B3GALT1: variants seen among roughly 807,000 people sequenced by gnomAD.
B3GALT1 encodes UDP-Gal:betaGlcNAc beta 1,3-galactosyltransferase, polypeptide 1.
A neutral mutation model predicts 23.2 loss-of-function variants in B3GALT1; 10 were observed. The observed-to-expected ratio is 0.43, with a 90% CI of 0.27 to 0.73. The LOEUF (loss-of-function observed/expected upper bound fraction) is 0.73. Ranked by LOEUF, B3GALT1 falls within the 30% of genes least tolerant of loss-of-function variation. The pLI is 0.21. For missense variants in B3GALT1, 299 were observed against 405.4 expected, an observed-to-expected ratio of 0.74 and a Z score of 2.25; for synonymous variants, 156 against 141.5, an observed-to-expected ratio of 1.10 and a Z score of -0.73.
chr2:167,610,565 A>C (rs1212360600), intron 2 of B3GALT1, among the ~76,000 whole-genome samples: 1 of 152,104 alleles, frequency 6.6e-6, no homozygotes, highest in African/African-American at 2.4e-5. Context: ...TCACAAAAGC[A>C]GGCCGTGATT....
chr2:167,866,242 C>T (rs900605673), intron 4 of B3GALT1, among the ~76,000 whole-genome samples: 1 of 152,186 alleles, frequency 6.6e-6, no homozygotes, highest in Non-Finnish European at 1.5e-5. Context: ...GTGTGAATGG[C>T]ACCCTCTGGA....
chr2:167,376,362 A>G (rs1301851591), intron 1 of B3GALT1, among the ~76,000 whole-genome samples: 1 of 152,030 alleles, frequency 6.6e-6, no homozygotes, highest in Non-Finnish European at 1.5e-5. Context: ...GGCTTTGTAG[A>G]ATAAGTTAGG....
chr2:167,484,468 A>G (rs1010378451), intron 1 of B3GALT1, among the ~76,000 whole-genome samples: 7 of 152,222 alleles, frequency 4.6e-5, no homozygotes, highest in Non-Finnish European at 7.3e-5. Context: ...GCAGGCGTCA[A>G]TCAATACTAT....
At chr2:167,781,666 C>T (rs993191178) in intron 3 of B3GALT1, among the ~76,000 whole-genome samples, 1 of 152,160 alleles carries the variant, frequency 6.6e-6, no homozygotes, top group Non-Finnish European at 1.5e-5. Flanking sequence ...GGGAATGGAC[C>T]ATGGTCAGTG....
intron 1 of B3GALT1, among the ~76,000 whole-genome samples, chr2:167,336,975 C>T (rs904404421): frequency 6.6e-6 from 1 of 152,140 alleles, no homozygotes; most frequent in Non-Finnish European, 1.5e-5. Flanking sequence ...AACAACAGAA[C>T]TTCTGCAGTT....
chr2:167,438,074 A>G (rs1574078290), intron 1 of B3GALT1, among the ~76,000 whole-genome samples: 1 of 152,220 alleles, frequency 6.6e-6, no homozygotes, highest in Non-Finnish European at 1.5e-5. Context: ...TACACATCCT[A>G]CAAAGGATGT....
At chr2:167,512,149 A>G (rs1700013520) in intron 2 of B3GALT1, among the ~76,000 whole-genome samples, 1 of 152,128 alleles carries the variant, frequency 6.6e-6, no homozygotes, top group African/African-American at 2.4e-5. Context: ...TTTGAAGTAA[A>G]TGTAATATTG....
At chr2:167,325,114 G>T (rs2105495763) in intron 1 of B3GALT1, among the ~76,000 whole-genome samples, 1 of 152,156 alleles carries the variant, frequency 6.6e-6, no homozygotes, top group South Asian at 2.1e-4. Context: ...CCATTGATAG[G>T]CATTAAGGTT....
chr2:167,729,043 C>T (rs11687831), intron 3 of B3GALT1, among the ~76,000 whole-genome samples: 74,839 of 152,070 alleles, frequency 0.49, 21,390 homozygotes, highest in Non-Finnish European at 0.67. Flanking sequence ...TCACCTTACA[C>T]ATATACTTGT....
intron 2 of B3GALT1, among the ~76,000 whole-genome samples, chr2:167,575,927 T>C (rs1465656239): frequency 6.6e-6 from 1 of 151,836 alleles, no homozygotes; most frequent in African/African-American, 2.4e-5. Context: ...CATTTAGGCA[T>C]ATCTCTTTGT....
At chr2:167,340,257 G>C (rs1255976795) in intron 1 of B3GALT1, among the ~76,000 whole-genome samples, 1 of 147,350 alleles carries the variant, frequency 6.8e-6, no homozygotes, top group Non-Finnish European at 1.5e-5. Flanking sequence ...AACGTATTTA[G>C]AGGGTGATAA....
intron 2 of B3GALT1, among the ~76,000 whole-genome samples, chr2:167,546,899 C>A (rs1683646976): frequency 1.3e-5 from 2 of 152,170 alleles, no homozygotes; most frequent in African/African-American, 4.8e-5. Context: ...CTGCATTGAG[C>A]CAAACCTCCT....
At position 167,719,239 on chromosome 2, in the gene B3GALT1, T is replaced by C. The variant is rs530265298; in HGVS notation, c.-352+72273T>C. On this transcript the variant is annotated intron_variant, in intron 3 of 4. Transcript: ENST00000392690. ...TGAGTTTACTCATTTTCTATGTTTT[T>C]GTGTCAGATATGTGTTCATGTATGT... Among the ~76,000 whole-genome samples the C allele has an allele frequency of 1.3e-4, 20 of 152,354 alleles. No individual in the cohort carries two copies. The South Asian group carries it at 3.9e-3, about 30-fold the overall frequency.
At chr2:167,415,957 TA>T (rs202167627) in intron 1 of B3GALT1, among the ~76,000 whole-genome samples, 6 of 150,306 alleles carry the variant, frequency 4.0e-5, no homozygotes, top group African/African-American at 7.3e-5. Context: ...GCTGTGAGTT[TA>T]AAAAAAAATG....
chr2:167,545,000 A>G (rs1683604885), intron 2 of B3GALT1, among the ~76,000 whole-genome samples: 1 of 140,376 alleles, frequency 7.1e-6, no homozygotes. Flanking sequence ...GGGGACCCGG[A>G]AGGCCGCTTT....
intron 3 of B3GALT1, among the ~76,000 whole-genome samples, chr2:167,785,954 C>G (rs968188294): frequency 6.6e-6 from 1 of 152,190 alleles, no homozygotes; most frequent in Middle Eastern, 3.2e-3. Flanking sequence ...AAACTCTTAA[C>G]AACTGTTCAA....
chr2:167,739,706 A>G (rs192544452), intron 3 of B3GALT1, among the ~76,000 whole-genome samples: 14 of 152,130 alleles, frequency 9.2e-5, no homozygotes, highest in Non-Finnish European at 1.8e-4. Flanking sequence ...CCAAAGATTA[A>G]CCCATAGAAG....
chr2:167,580,484 T>C (rs1684463493), intron 2 of B3GALT1, among the ~76,000 whole-genome samples: 1 of 152,056 alleles, frequency 6.6e-6, no homozygotes, highest in African/African-American at 2.4e-5. Flanking sequence ...CCCCCAGCCT[T>C]GGGACTTTAA....
At chr2:167,430,379 C>T (rs1397991565) in intron 1 of B3GALT1, among the ~76,000 whole-genome samples, 1 of 152,118 alleles carries the variant, frequency 6.6e-6, no homozygotes, top group Non-Finnish European at 1.5e-5. Context: ...GACATGGGAG[C>T]CCCTGAAGAA....
Sources: gnomAD v4.1 joint callset for allele counts (sites outside exome capture counted in the v4.1 genomes callset) on GRCh38, gnomAD v4.1.1 for gene constraint, MANE v1.5 for transcripts, NCBI Gene and HGNC (gene_info 2026-07-23, HGNC 2026-07-21) for gene names.